Variants in SNTG1 observed in about 807,000 individuals in gnomAD.
SNTG1 encodes gamma-1-syntrophin.
Under a neutral mutation model 74.7 loss-of-function variants are expected in SNTG1, and 39 were observed. The ratio of observed to expected loss-of-function variants is 0.52; its 90% CI spans 0.40 to 0.68. The LOEUF is 0.68. Among genes scored for constraint, SNTG1 ranks in the 30% least tolerant of loss-of-function variants. The pLI, the probability that SNTG1 is intolerant of heterozygous loss-of-function variation, is 0.00. For missense variants in SNTG1, 685 were observed against 609.5 expected (o/e 1.12, Z -1.30); for synonymous variants, 254 against 217.1 (o/e 1.17, Z -1.49).
chr8:50,140,679 G>T (rs2081626705), intron 1 of SNTG1, among the ~76,000 whole-genome samples: 1 of 152,124 alleles, frequency 6.6e-6, no homozygotes, highest in South Asian at 2.1e-4. Flanking sequence ...CCCTTGGCCT[G>T]CAGAGACCAA....
chr8:50,346,116 G>T (rs28691575), intron 2 of SNTG1, among the ~76,000 whole-genome samples: 9,943 of 152,150 alleles, frequency 0.065, 351 homozygotes, highest in African/African-American at 0.072. Flanking sequence ...ACAGGCATAC[G>T]TCATTTTATT....
chr8:50,340,824 T>G (rs1457542283), intron 2 of SNTG1, among the ~76,000 whole-genome samples: 5 of 151,920 alleles, frequency 3.3e-5, no homozygotes, highest in Admixed American at 2.6e-4. Flanking sequence ...TAGGACTTTG[T>G]TTTTGTCTGT....
chr8:50,221,094 A>G (rs1257508732), intron 2 of SNTG1, among the ~76,000 whole-genome samples: 1 of 152,196 alleles, frequency 6.6e-6, no homozygotes, highest in East Asian at 1.9e-4. Flanking sequence ...ATTGGTAACA[A>G]AAGAAATCAT....
intron 15 of SNTG1, among the ~76,000 whole-genome samples, chr8:50,691,028 T>C (rs886798311): frequency 2.1e-4 from 32 of 152,204 alleles, no homozygotes; most frequent in Admixed American, 1.5e-3. Context: ...CTTTTGATCT[T>C]TGTTGGTTTA....
At chr8:50,035,805 A>C (rs754829885) in intron 1 of SNTG1, among the ~76,000 whole-genome samples, 1 of 152,166 alleles carries the variant, frequency 6.6e-6, no homozygotes, top group Non-Finnish European at 1.5e-5. Context: ...GGACCGGAAC[A>C]CACAAATCCG....
At chr8:50,088,943 G>A (rs1230629940) in intron 1 of SNTG1, among the ~76,000 whole-genome samples, 1 of 151,212 alleles carries the variant, frequency 6.6e-6, no homozygotes, top group African/African-American at 2.4e-5. Flanking sequence ...AGCCCGCATG[G>A]CCAAGTCAAT....
At chr8:49,996,487 C>T (rs865988520) in intron 1 of SNTG1, among the ~76,000 whole-genome samples, 5 of 152,156 alleles carry the variant, frequency 3.3e-5, no homozygotes, top group Middle Eastern at 3.4e-3. Context: ...CCAAAAGCCT[C>T]ATACTGCATC....
chr8:50,521,290 G>A lies in SNTG1; in HGVS notation c.467-8887G>A, dbSNP rs1220111437. Among the ~76,000 whole-genome samples the A allele has an allele frequency of 2.6e-5, 4 of 152,102 alleles. No homozygotes were observed. The East Asian group carries it at 7.7e-4, about 29-fold the overall frequency. ...ATGGGGGCTGGGGGTCTAGGGGAGG[G>A]ATAGCATTAGGAGAAATGCCTAATG... On this transcript the variant is annotated intron_variant, in intron 9 of 18. Transcript: ENST00000642720.
chr8:50,012,927 G>A (rs574888700), intron 1 of SNTG1, among the ~76,000 whole-genome samples: 1 of 152,206 alleles, frequency 6.6e-6, no homozygotes, highest in South Asian at 2.1e-4. Flanking sequence ...AGCCCAGTAA[G>A]GAATATGGTT....
intron 13 of SNTG1, among the ~76,000 whole-genome samples, chr8:50,599,294 G>A (rs1374662277): frequency 6.6e-6 from 1 of 151,908 alleles, no homozygotes; most frequent in East Asian, 1.9e-4. Flanking sequence ...ATGAAGTAAT[G>A]TGATTCCTCT....
chr8:50,441,167 C>A (rs142156797), intron 5 of SNTG1, among the ~76,000 whole-genome samples: 135 of 152,196 alleles, frequency 8.9e-4, no homozygotes, highest in Non-Finnish European at 1.1e-3. Flanking sequence ...TATGTCTCAG[C>A]GGCTGTGGGC....
chr8:49,922,342 C>A (rs1806626338), intron 1 of SNTG1, among the ~76,000 whole-genome samples: 1 of 152,052 alleles, frequency 6.6e-6, no homozygotes, highest in African/African-American at 2.4e-5. Flanking sequence ...TTTTCTAAAC[C>A]ACTAGTGGGC....
At chr8:50,443,852 G>C (rs12546744) in intron 5 of SNTG1, among the ~76,000 whole-genome samples, 111,701 of 152,114 alleles carry the variant, frequency 0.73, 44,282 homozygotes, top group Non-Finnish European at 0.88. Flanking sequence ...ACTGAAATAA[G>C]ACCAGGCACG....
chr8:50,777,618 T>C (rs1281734149), intron 18 of SNTG1, among the ~76,000 whole-genome samples: 1 of 150,418 alleles, frequency 6.6e-6, no homozygotes, highest in Non-Finnish European at 1.5e-5. Context: ...ATCTATGTCA[T>C]CTCACTGTTG....
At chr8:50,050,869 A>G (rs879939980) in intron 1 of SNTG1, among the ~76,000 whole-genome samples, 32 of 152,096 alleles carry the variant, frequency 2.1e-4, no homozygotes, top group Non-Finnish European at 4.0e-4. Context: ...TGGAAAATAA[A>G]TTAATTTAAT....
intron 15 of SNTG1, among the ~76,000 whole-genome samples, chr8:50,696,646 T>G (rs2095406330): frequency 6.6e-6 from 1 of 152,072 alleles, no homozygotes; most frequent in Non-Finnish European, 1.5e-5. Flanking sequence ...TTTCATTTTC[T>G]GCATATGGCC....
At chr8:50,117,188 A>G (rs1003306773) in intron 1 of SNTG1, among the ~76,000 whole-genome samples, 1 of 152,068 alleles carries the variant, frequency 6.6e-6, no homozygotes, top group African/African-American at 2.4e-5. Context: ...TTTGTTTTAC[A>G]TATGCCTGAA....
intron 8 of SNTG1, among the ~76,000 whole-genome samples, chr8:50,468,669 A>T (rs1025299625): frequency 1.3e-5 from 2 of 152,084 alleles, no homozygotes; most frequent in African/African-American, 4.8e-5. Context: ...CATGTTTGTA[A>T]TGTTTCTCTA....
At chr8:50,419,947 G>T (rs1355190754) in intron 4 of SNTG1, among the ~76,000 whole-genome samples, 1 of 151,618 alleles carries the variant, frequency 6.6e-6, no homozygotes, top group Non-Finnish European at 1.5e-5. Context: ...CAGTTAACTT[G>T]AGACAGAGAG....
Sources: gnomAD v4.1 joint callset for allele counts (sites outside exome capture counted in the v4.1 genomes callset) on GRCh38, gnomAD v4.1.1 for gene constraint, MANE v1.5 for transcripts, NCBI Gene and HGNC (gene_info 2026-07-23, HGNC 2026-07-21) for gene names.